The following INSC variants were observed in gnomAD, a reference collection of about 807,000 sequenced individuals.
INSC encodes the protein INSC spindle orientation adaptor protein, also known as protein inscuteable homolog.
Under a neutral mutation model 58.6 loss-of-function variants are expected in INSC, and 67 were observed. The ratio of observed to expected loss-of-function variants is 1.14; its 90% CI spans 0.94 to 1.40. INSC has a LOEUF of 1.40. Among genes scored for constraint, INSC ranks in the 40% most tolerant of loss-of-function variants. INSC has a pLI of 0.00. For missense variants in INSC, 714 were observed against 692.0 expected (o/e 1.03, Z -0.36); for synonymous variants, 262 against 276.1 (o/e 0.95, Z 0.51).
intron 5 of INSC, chr11:15,188,345 G>A: frequency 1.0e-6 from 1 of 985,442 alleles, no homozygotes; most frequent in Non-Finnish European, 1.2e-6. Context: ...GTGAGGTCCT[G>A]CCTACATTAA....
intron 7 of INSC, among the ~76,000 whole-genome samples, chr11:15,218,040 C>T (rs1564909434): frequency 6.6e-6 from 1 of 152,120 alleles, no homozygotes; most frequent in East Asian, 1.9e-4. Context: ...ATTGGGATCT[C>T]TGAAGAAACT....
intron 5 of INSC, among the ~76,000 whole-genome samples, chr11:15,182,440 T>G (rs1218899339): frequency 6.6e-6 from 1 of 152,246 alleles, no homozygotes; most frequent in Non-Finnish European, 1.5e-5. Context: ...CACCACAGGT[T>G]AATTGTGGTA....
rs1312415935 is a variant in INSC, at chr11:15,143,973, GA to G, written c.-45-5154del. On this transcript the variant is annotated intron_variant, in intron 1 of 12. Transcript: ENST00000379556. ...CTTCTGCAGGTACCACAAGGCCTCA[GA>G]AAGAAATCTCCTTTCAGTCTCAAGC... Among the ~76,000 whole-genome samples the G allele has an allele frequency of 2.0e-5, 3 of 152,172 alleles. No individual in the cohort carries two copies. In the East Asian group the frequency reaches 5.8e-4, roughly 29 times the overall value.
chr11:15,194,173 C>T (rs180999594), intron 6 of INSC, among the ~76,000 whole-genome samples: 2 of 152,322 alleles, frequency 1.3e-5, no homozygotes, highest in East Asian at 3.9e-4. Flanking sequence ...ACTAATAGCC[C>T]TAGGACCTCA....
At chr11:15,154,740 C>A (rs1446417023) in intron 2 of INSC, among the ~76,000 whole-genome samples, 2 of 152,158 alleles carry the variant, frequency 1.3e-5, no homozygotes, top group African/African-American at 2.4e-5. Context: ...ACAAAAGTAT[C>A]CCCAGGGACC....
chr11:15,230,091 G>A (rs1355367433), intron 9 of INSC, among the ~76,000 whole-genome samples: 1 of 132,952 alleles, frequency 7.5e-6, no homozygotes, highest in Non-Finnish European at 1.6e-5. Context: ...TTGGGAAGCT[G>A]AGGTGGGAGG....
downstream of INSC, among the ~76,000 whole-genome samples, chr11:15,248,545 G>A (rs752814738): frequency 2.6e-4 from 40 of 152,166 alleles, no homozygotes; most frequent in Non-Finnish European, 4.6e-4. Context: ...AGGAAACTGA[G>A]GCCGGTGTTG....
At chr11:15,250,639 G>T (rs1852640620), downstream of INSC, among the ~76,000 whole-genome samples, 1 of 152,136 alleles carries the variant, frequency 6.6e-6, no homozygotes, top group Non-Finnish European at 1.5e-5. Context: ...TTCATCTGTT[G>T]GTCCTAGTGT....
chr11:15,221,372 C>A, intron 7 of INSC, 105 bp from the exon 8 acceptor site: 1 of 1,346,056 alleles, frequency 7.4e-7, no homozygotes, highest in Non-Finnish European at 1.0e-6. Context: ...GAAGCCAGAG[C>A]TGGCTTCCAT....
chr11:15,265,204 T>C, the INSC span, among the ~76,000 whole-genome samples: 1 of 152,280 alleles, frequency 6.6e-6, no homozygotes, highest in African/African-American at 2.4e-5. Context: ...AAGGTCTTTA[T>C]ATTTGTTCCT....
At chr11:15,215,595 G>C (rs898548441) in intron 7 of INSC, among the ~76,000 whole-genome samples, 1 of 152,212 alleles carries the variant, frequency 6.6e-6, no homozygotes, top group African/African-American at 2.4e-5. Flanking sequence ...TCCTCCCTGG[G>C]CCTCCATTTC....
chr11:15,132,498 G>T (rs868272774), intron 1 of INSC, among the ~76,000 whole-genome samples: 42 of 152,078 alleles, frequency 2.8e-4, no homozygotes, highest in African/African-American at 9.4e-4. Context: ...TGTTGCCCAG[G>T]CTGATCTTGA....
intron 9 of INSC, among the ~76,000 whole-genome samples, chr11:15,226,101 C>T (rs1252417220): frequency 6.6e-6 from 1 of 152,030 alleles, no homozygotes; most frequent in Non-Finnish European, 1.5e-5. Context: ...CTTGAAGCCT[C>T]CCTACGAGAT....
intron 1 of INSC, among the ~76,000 whole-genome samples, chr11:15,132,582 C>T (rs921512839): frequency 1.3e-5 from 2 of 152,244 alleles, no homozygotes; most frequent in Admixed American, 6.5e-5. Flanking sequence ...TCAACGTGCC[C>T]GGCCCTGTAA....
chr11:15,196,929 A>C (rs766720965), intron 6 of INSC, among the ~76,000 whole-genome samples: 24 of 152,074 alleles, frequency 1.6e-4, no homozygotes, highest in Non-Finnish European at 3.5e-4. Flanking sequence ...TACTGTTCTG[A>C]ACTGCTTCTC....
intron 8 of INSC, among the ~76,000 whole-genome samples, chr11:15,223,263 C>A (rs1851512831): frequency 6.6e-6 from 1 of 152,212 alleles, no homozygotes; most frequent in African/African-American, 2.4e-5. Flanking sequence ...GTCCAAGTGA[C>A]CTTTCACTAT....
At chr11:15,232,656 T>C (rs943413617) in intron 9 of INSC, among the ~76,000 whole-genome samples, 1 of 152,164 alleles carries the variant, frequency 6.6e-6, no homozygotes, top group Non-Finnish European at 1.5e-5. Context: ...ACACGGGTTT[T>C]CTAGATGCGA....
chr11:15,114,959 CG>C lies in INSC; in HGVS notation c.-89del. 3 of 985,460 alleles carry C rather than the reference CG, an allele frequency of 3.0e-6. No homozygotes were observed. The highest frequency in any genetic ancestry group is 3.6e-6 in the Non-Finnish European group (3 of 829,946). 61.0% of individuals were successfully genotyped at this position (985,460 alleles called of 1,614,324 possible). On this transcript the variant is annotated 5_prime_UTR_variant, in exon 1 of 13. Coordinates refer to ENST00000379556, the MANE Select transcript of INSC (RefSeq NM_001042536.3). ...GGCCTCTGGAGCTCCAGCTGCGCCCCGCCACCACTGGCCGCTCGCACTACCA... is the reference window on the plus strand; with the variant it reads ...GGCCTCTGGAGCTCCAGCTGCGCCCCCCACCACTGGCCGCTCGCACTACCA...
chr11:15,143,663 G>A (rs952361402), intron 1 of INSC, among the ~76,000 whole-genome samples: 6 of 152,154 alleles, frequency 3.9e-5, no homozygotes, highest in African/African-American at 1.4e-4. Context: ...ACAATTTAGA[G>A]AGGGGCATGG....
Sources: allele counts gnomAD v4.1 joint callset (sites outside exome capture counted in the v4.1 genomes callset), GRCh38; gene constraint gnomAD v4.1.1; transcripts MANE v1.5; gene names NCBI Gene and HGNC (gene_info 2026-07-23, HGNC 2026-07-21).